KCNC3: variants seen among roughly 807,000 people sequenced by gnomAD.
KCNC3 encodes potassium voltage-gated channel subfamily C member 3.
A neutral mutation model predicts 43.9 loss-of-function variants in KCNC3; 22 were observed. The observed-to-expected ratio is 0.50, with a 90% CI of 0.36 to 0.72. The LOEUF (loss-of-function observed/expected upper bound fraction) is 0.72. Among genes scored for constraint, KCNC3 ranks in the 30% least tolerant of loss-of-function variants. The pLI, the probability that KCNC3 is intolerant of heterozygous loss-of-function variation, is 0.00. For synonymous variants in KCNC3, 492 were observed against 488.0 expected, an observed-to-expected ratio of 1.01 and a Z score of -0.11; for missense variants, 829 against 1,073.8, an observed-to-expected ratio of 0.77 and a Z score of 3.19.
At position 50,323,462 on chromosome 19, in the gene KCNC3, A is replaced by G. The variant is rs772936203; in HGVS notation, c.1491T>C (p.Ala497=). 5.0e-6 allele frequency: 8 copies of G among 1,614,084 alleles called. No homozygotes were observed. The South Asian group carries it at 8.8e-5, about 18-fold the overall frequency. The change falls in exon 2 of 5, where the codon GCT becomes GCC. Residue 497 remains alanine, a synonymous_variant. Transcript: ENST00000477616. ...AGCCCAGGGTCGTCATGGTGACCAC[A>G]GCCCACCAGAAGCCAATGGGGATGT... ...FKNIPIGFWW[A]VVTMTTLGYG...
chr19:50,322,939 C>G, intron 2 of KCNC3, 36 bp downstream of exon 2: 1 of 1,548,126 alleles, frequency 6.5e-7, no homozygotes, highest in Non-Finnish European at 8.7e-7. Context: ...CCCCGGGTCT[C>G]CACCTGTGCC....
At chr19:50,327,167 G>A (rs1389299803) in intron 1 of KCNC3, among the ~76,000 whole-genome samples, 2 of 152,048 alleles carry the variant, frequency 1.3e-5, no homozygotes, top group African/African-American at 4.8e-5. Context: ...TAAAATGATG[G>A]AGAGGAGAAG....
chr19:50,317,071 C>G lies in KCNC3; in HGVS notation c.*24-980G>C, dbSNP rs549968758. Among the ~76,000 whole-genome samples, 866 of 151,126 alleles carry G rather than the reference C, an allele frequency of 5.7e-3. 11 individuals carry two copies. Among genetic ancestry groups the G allele is most frequent in the African/African-American group, 0.018 (748 of 41,134 alleles). On this transcript the variant is annotated intron_variant, in intron 4 of 4. Coordinates refer to ENST00000477616, the MANE Select transcript of KCNC3 (RefSeq NM_004977.3). ...GCCCACACCCTCTCCCCCTCAATCC[C>G]ATAGGGGCCCCTCTAGACCTGGGGG...
Position 50,323,236 on chromosome 19 carries a change from T to G in KCNC3, c.1717A>C (p.Asn573His), listed in dbSNP as rs2037058516. The change falls in exon 2 of 5, where the codon AAC (asparagine) becomes CAC (histidine). Residue 573 changes from asparagine (N) to histidine (H), a missense_variant. Asn to His is a moderately conservative substitution (Grantham distance 68). Coordinates refer to ENST00000477616, the MANE Select transcript of KCNC3 (RefSeq NM_004977.3). ...IPRPPQPGSP[N>H]YCKPDPPPPP... ...GGGGGTGGGTCAGGCTTGCAGTAGTTGGGCGAGCCCGGTTGCGGGGGCCGG... is the reference window on the plus strand; with the variant it reads ...GGGGGTGGGTCAGGCTTGCAGTAGTGGGGCGAGCCCGGTTGCGGGGGCCGG... The G allele has an allele frequency of 1.3e-6, 2 of 1,583,206 alleles. No homozygotes were observed. Among genetic ancestry groups the G allele is most frequent in the Non-Finnish European group, 1.7e-6 (2 of 1,171,472 alleles).
chr19:50,328,432 T>TGCGGCGTTG lies in KCNC3; in HGVS notation c.642_650dup (p.Asn215_Ala217dup), dbSNP rs757605455. 1.2e-4 allele frequency: 181 copies of TGCGGCGTTG among 1,541,614 alleles called. 1 individual carries two copies. Among genetic ancestry groups the TGCGGCGTTG allele is most frequent in the South Asian group, 5.4e-4 (46 of 84,656 alleles). Reference sequence around the variant, plus strand: ...CGTCCAGGCCTCCGTCGTGGGCGCCTGCGGCGTTGGCGGCGTTGGCGGCGC... The same window carrying TGCGGCGTTG: ...CGTCCAGGCCTCCGTCGTGGGCGCCTGCGGCGTTGGCGGCGTTGGCGGCGTTGGCGGCGC... On this transcript the variant is annotated inframe_insertion, in exon 1 of 5. Coordinates refer to ENST00000477616, the MANE Select transcript of KCNC3 (RefSeq NM_004977.3).
At chr19:50,333,137 G>A (rs544776707), upstream of KCNC3, among the ~76,000 whole-genome samples, 1,059 of 152,274 alleles carry the variant, frequency 7.0e-3, 7 homozygotes, top group Non-Finnish European at 0.013. Context: ...TAGGATTCGG[G>A]CTGTCTTACC....
In KCNC3 at chr19:50,313,283, T is replaced by C. The variant is rs2036904070; in HGVS notation, c.*2832A>G. ...GGTTCCCAATCTTCTGATACTCCAGTGTTCCTCCCTTCGGGAACAGCCTCT... is the reference window on the plus strand; with the variant it reads ...GGTTCCCAATCTTCTGATACTCCAGCGTTCCTCCCTTCGGGAACAGCCTCT... On this transcript the variant is annotated 3_prime_UTR_variant, in exon 5 of 5. Transcript: ENST00000477616. 6.6e-6 allele frequency: 1 copy of C among 152,192 alleles called. No homozygotes were observed. Among genetic ancestry groups the C allele is most frequent in the South Asian group, 2.1e-4 (1 of 4,832 alleles). The allele number at this position is 152,192 out of a possible 1,614,324, so 9.4% of individuals were successfully genotyped here. A position where few individuals can be genotyped will look rare whatever the true frequency, so the allele number is the denominator to read the frequency against.
chr19:50,317,686 ACCCCCTCCCCCAGGGAAGCTCAGGG>A (rs2036974870), intron 4 of KCNC3, among the ~76,000 whole-genome samples: 2 of 148,066 alleles, frequency 1.4e-5, no homozygotes, highest in Non-Finnish European at 3.0e-5. Flanking sequence ...CTCATCCTCC[ACCCCCTCCCCCAGGGAAGCTCAGGG>A]CCTGTGCACT....
rs765382637 is a variant in KCNC3, at chr19:50,320,322, T to TG, written c.2197dup (p.Gln733ProfsTer5). ...TGGGGGGCCTGGCTTACGCCAGTCT[T>TG]GGGGGGGCAGTGGGGGAGCACCAGT... On this transcript the variant is annotated frameshift_variant, in exon 4 of 5. Transcript: ENST00000477616. LOFTEE classifies it high-confidence loss of function. 2.9e-5 allele frequency: 9 copies of TG among 311,196 alleles called. No homozygotes were observed. The highest frequency in any genetic ancestry group is 8.7e-5 in the East Asian group (1 of 11,502). The allele number at this position is 311,196 out of a possible 1,614,324, so 19.3% of individuals were successfully genotyped here.
chr19:50,328,298 C>T lies in KCNC3; in HGVS notation c.785G>A (p.Gly262Asp). 4 of 1,159,108 alleles carry T rather than the reference C, an allele frequency of 3.5e-6. No homozygotes were observed. The highest frequency in any genetic ancestry group is 4.2e-6 in the Non-Finnish European group (4 of 945,038). 71.8% of individuals were successfully genotyped at this position (1,159,108 alleles called of 1,614,324 possible). ...GGAGGPPGGA[G>D]GAGGTWWRRW... ...GCGCCACCATGTGCCGCCCGCGCCG[C>T]CCGCGCCCCCTGGCGGCCCCCCGGC... The change falls in exon 1 of 5, where the codon GGC (glycine) becomes GAC (aspartate). Residue 262 changes from glycine to aspartate, a missense_variant. Physicochemically the swap from Gly to Asp is moderately conservative, Grantham distance 94. Around this residue, in one of 7 missense-constraint regions of KCNC3, gnomAD observed 60 missense variants for 56.0 expected, o/e 1.07. Transcript: ENST00000477616.
chr19:50,326,874 T>G (rs1202820649), intron 1 of KCNC3, among the ~76,000 whole-genome samples: 2 of 140,932 alleles, frequency 1.4e-5, no homozygotes, highest in Admixed American at 1.5e-4. Flanking sequence ...TTGGTTCACT[T>G]TGATGGAGGG....
Position 50,328,288 on chromosome 19 carries a change from G to A in KCNC3, c.795C>T (p.Gly265=), listed in dbSNP as rs995174440. The change falls in exon 1 of 5, where the codon GGC becomes GGT. Residue 265 remains glycine, a synonymous_variant. Transcript: ENST00000477616. ...GGPPGGAGGA[G]GTWWRRWQPR... ...GCTGCCAGCGGCGCCACCATGTGCC[G>A]CCCGCGCCGCCCGCGCCCCCTGGCG... 4.3e-6 allele frequency: 5 copies of A among 1,159,690 alleles called. No individual in the cohort carries two copies. The African/African-American group carries it at 6.5e-5, about 15-fold the overall frequency. 71.8% of individuals were successfully genotyped at this position (1,159,690 alleles called of 1,614,324 possible). A position where few individuals can be genotyped will look rare whatever the true frequency, so the allele number is the denominator to read the frequency against.
upstream of KCNC3, among the ~76,000 whole-genome samples, chr19:50,330,711 G>C (rs1421017534): frequency 6.6e-6 from 1 of 152,136 alleles, no homozygotes; most frequent in Admixed American, 6.5e-5. Context: ...TCAAGACTGA[G>C]GCAATATAGG....
chr19:50,332,652 T>C (rs2037200936), upstream of KCNC3, among the ~76,000 whole-genome samples: 1 of 152,054 alleles, frequency 6.6e-6, no homozygotes, highest in South Asian at 2.1e-4. The surrounding 1 kb of genome is among the most constrained non-coding windows in gnomAD (Gnocchi z 5.8). Flanking sequence ...GACACTCAGC[T>C]ATGTTCACAG....
chr19:50,325,647 G>A (rs1411223133), intron 1 of KCNC3, among the ~76,000 whole-genome samples: 1 of 152,154 alleles, frequency 6.6e-6, no homozygotes, highest in East Asian at 1.9e-4. Context: ...CCTTCGCAGA[G>A]CGCATGCCTA....
intron 2 of KCNC3, 94 bp downstream of exon 2, chr19:50,322,881 C>T: frequency 3.6e-6 from 5 of 1,371,904 alleles, no homozygotes; most frequent in Non-Finnish European, 4.9e-6. Flanking sequence ...CTCTTCGACG[C>T]CAACCACCCC....
chr19:50,316,135 G>A lies in KCNC3; in HGVS notation c.*24-44C>T, dbSNP rs1008382842. 91 of 407,100 alleles carry A rather than the reference G, an allele frequency of 2.2e-4. No homozygotes were observed. In the East Asian group the frequency reaches 3.1e-3, roughly 14 times the overall value. The allele number at this position is 407,100 out of a possible 1,614,324, so 25.2% of individuals were successfully genotyped here. On this transcript the variant is annotated intron_variant, in intron 4 of 4. Coordinates refer to ENST00000477616, the MANE Select transcript of KCNC3 (RefSeq NM_004977.3). ...AGAGTCACGGGGGTGGGGAGAGGAT[G>A]GTCAGGGGAAACCCCCCAACACAGC...
At chr19:50,318,289 C>A (rs527532583) in intron 4 of KCNC3, among the ~76,000 whole-genome samples, 2 of 152,062 alleles carry the variant, frequency 1.3e-5, no homozygotes, top group South Asian at 4.2e-4. Flanking sequence ...ATTCTCCTAC[C>A]CCAGCCTCCC....
chr19:50,330,099 TCTA>T (rs888571691), upstream of KCNC3, among the ~76,000 whole-genome samples: 64 of 152,158 alleles, frequency 4.2e-4, no homozygotes, highest in African/African-American at 1.4e-3. Flanking sequence ...AAGCCCCGCC[TCTA>T]CTAAAAATAC....
Sources: allele counts gnomAD v4.1 joint callset (sites outside exome capture counted in the v4.1 genomes callset), GRCh38; gene constraint gnomAD v4.1.1; regional missense constraint gnomAD v4.1.1; non-coding constraint Gnocchi (gnomAD v3.1); transcripts MANE v1.5; gene names NCBI Gene and HGNC (gene_info 2026-07-23, HGNC 2026-07-21).